The following RMST variants were observed in gnomAD, a reference collection of about 807,000 sequenced individuals.
RMST encodes rhabdomyosarcoma 2 associated transcript, also known as long intergenic non-protein coding RNA 54.
chr12:97,546,121 T>C (rs1222921783), intron 11 of RMST, among the ~76,000 whole-genome samples: 4 of 152,144 alleles, frequency 2.6e-5, no homozygotes, highest in Admixed American at 2.6e-4. Context: ...GTTATTTTTT[T>C]ATGGTATATC....
At chr12:97,534,893 G>T (rs1224230890) in intron 11 of RMST, among the ~76,000 whole-genome samples, 2 of 151,630 alleles carry the variant, frequency 1.3e-5, no homozygotes, top group Admixed American at 6.6e-5. Flanking sequence ...TGTTTTATTT[G>T]TTGTGCATTG....
intron 11 of RMST, among the ~76,000 whole-genome samples, chr12:97,553,103 A>C (rs1319748614): frequency 1.3e-5 from 2 of 152,226 alleles, no homozygotes; most frequent in Non-Finnish European, 2.9e-5. Flanking sequence ...TTATTTTACC[A>C]GTTGAAACAT....
At chr12:97,558,970 G>GA (rs1209207823) in intron 11 of RMST, among the ~76,000 whole-genome samples, 3 of 152,136 alleles carry the variant, frequency 2.0e-5, no homozygotes, top group African/African-American at 7.2e-5. Context: ...TTCCTAGAGG[G>GA]AATGTTCTGA....
intron 9 of RMST, among the ~76,000 whole-genome samples, chr12:97,495,236 T>G (rs1877274668): frequency 6.6e-6 from 1 of 152,044 alleles, no homozygotes; most frequent in Non-Finnish European, 1.5e-5. Flanking sequence ...ATTTGACTTT[T>G]GATGTGTGAA....
At chr12:97,526,268 A>G (rs1881103380) in intron 10 of RMST, among the ~76,000 whole-genome samples, 1 of 152,240 alleles carries the variant, frequency 6.6e-6, no homozygotes, top group Non-Finnish European at 1.5e-5. Context: ...CAGCTATAAT[A>G]TACAATACCC....
chr12:97,480,181 G>C (rs1183572543), intron 5 of RMST, among the ~76,000 whole-genome samples: 2 of 149,586 alleles, frequency 1.3e-5, no homozygotes, highest in Non-Finnish European at 3.0e-5. Context: ...AGCTCTGCCT[G>C]CGGGTTCATG....
exon 12 of RMST, chr12:97,560,674 G>GAA (rs1328520208): frequency 3.3e-5 from 5 of 152,272 alleles, no homozygotes; most frequent in African/African-American, 1.2e-4. Context: ...ACTTGCAAGA[G>GAA]AAAAGCCTAC....
Position 97,524,025 on chromosome 12 carries a change from G to A in RMST, n.1341-6630G>A, listed in dbSNP as rs759886246. 7.7e-5 allele frequency among the ~76,000 whole-genome samples: 10 copies of A among 130,310 alleles called. No individual in the cohort carries two copies. In the South Asian group the frequency reaches 2.0e-3, roughly 27 times the overall value. The allele number at this position is 130,310 out of a possible 152,430, so 85.5% of individuals were successfully genotyped here. A position where few individuals can be genotyped will look rare whatever the true frequency, so the allele number is the denominator to read the frequency against. ...CGGGAGGCGGAGCTTGCAGTGAGCCGAGATCGCGCCACTGCAGTCCAGCCT... is the reference window on the plus strand; with the variant it reads ...CGGGAGGCGGAGCTTGCAGTGAGCCAAGATCGCGCCACTGCAGTCCAGCCT... On this transcript the variant is annotated intron_variant and non_coding_transcript_variant, in intron 10 of 13. Coordinates refer to ENST00000640149, the Ensembl canonical transcript of RMST.
intron 5 of RMST, among the ~76,000 whole-genome samples, chr12:97,489,029 A>C (rs1221730011): frequency 6.6e-6 from 1 of 152,244 alleles, no homozygotes; most frequent in East Asian, 1.9e-4. Context: ...AATTGTTAAA[A>C]TTGCATCACT....
chr12:97,557,635 C>T (rs892303365), intron 11 of RMST, among the ~76,000 whole-genome samples: 2 of 152,132 alleles, frequency 1.3e-5, no homozygotes, highest in African/African-American at 4.8e-5. Flanking sequence ...CATGTTTAGA[C>T]TTCCCATTGC....
At chr12:97,538,871 G>A (rs965782199) in intron 11 of RMST, among the ~76,000 whole-genome samples, 2 of 151,292 alleles carry the variant, frequency 1.3e-5, no homozygotes, top group Non-Finnish European at 3.0e-5. Flanking sequence ...AAAAATTTGT[G>A]AAAATGATTC....
At chr12:97,530,542 G>A (rs1055590627) in intron 10 of RMST, 1 of 152,086 alleles carries the variant, frequency 6.6e-6, no homozygotes, top group South Asian at 2.1e-4. Context: ...GACAGTCGAT[G>A]GCTGAGGAGA....
chr12:97,539,462 A>T (rs755944479), intron 11 of RMST, among the ~76,000 whole-genome samples: 1 of 151,584 alleles, frequency 6.6e-6, no homozygotes, highest in Non-Finnish European at 1.5e-5. Flanking sequence ...TTTGTCAGGT[A>T]TGTTTATTTC....
intron 10 of RMST, among the ~76,000 whole-genome samples, chr12:97,513,206 A>G (rs1421791753): frequency 2.6e-5 from 4 of 152,202 alleles, no homozygotes; most frequent in Non-Finnish European, 5.9e-5. Context: ...GGCAGGCTGA[A>G]GGGCTCCTCA....
At position 97,519,428 on chromosome 12, in the gene RMST, A is replaced by G. The variant is rs115753667; in HGVS notation, n.1341-11227A>G. Among the ~76,000 whole-genome samples, 430 of 152,330 alleles carry G rather than the reference A, an allele frequency of 2.8e-3. 2 individuals carry two copies. Among genetic ancestry groups the G allele is most frequent in the African/African-American group, 9.8e-3 (407 of 41,578 alleles). On this transcript the variant is annotated intron_variant and non_coding_transcript_variant, in intron 10 of 13. Coordinates refer to ENST00000640149, the Ensembl canonical transcript of RMST. ...TTGCTTGTTTTGGTGACTACAACAA[A>G]AGCTAATGCTTACCATTTGTTCGAG... is the stretch of plus-strand genomic sequence containing the variant.
At chr12:97,476,807 T>C (rs1464192505) in intron 5 of RMST, among the ~76,000 whole-genome samples, 1 of 152,102 alleles carries the variant, frequency 6.6e-6, no homozygotes, top group Non-Finnish European at 1.5e-5. Flanking sequence ...AAAAGAGATA[T>C]AGATATAATA....
At chr12:97,514,101 C>T (rs1191866267) in intron 10 of RMST, among the ~76,000 whole-genome samples, 1 of 152,150 alleles carries the variant, frequency 6.6e-6, no homozygotes, top group Non-Finnish European at 1.5e-5. Context: ...GGTAACTCAG[C>T]AGAAACTGGA....
At chr12:97,552,272 A>G (rs1250204773) in intron 11 of RMST, 2 of 152,334 alleles carry the variant, frequency 1.3e-5, no homozygotes, top group East Asian at 1.9e-4. Flanking sequence ...CAGAACTTTT[A>G]TTACAGAAAT....
chr12:97,484,909 T>TTA (rs1270491534), intron 5 of RMST, among the ~76,000 whole-genome samples: 2 of 152,160 alleles, frequency 1.3e-5, no homozygotes, highest in Admixed American at 1.3e-4. Flanking sequence ...CTTTCTGCAG[T>TTA]TATTTCTTGC....
Sources: allele counts gnomAD v4.1 joint callset (sites outside exome capture counted in the v4.1 genomes callset), GRCh38; gene constraint gnomAD v4.1.1; transcripts MANE v1.5; gene names NCBI Gene and HGNC (gene_info 2026-07-23, HGNC 2026-07-21).